MAP1A: variants seen among roughly 807,000 people sequenced by gnomAD.
MAP1A encodes the protein microtubule-associated protein 1A.
In MAP1A, 42 loss-of-function variants were observed where a neutral mutation model predicts 185.9. The observed-to-expected ratio is 0.23, with a 90% confidence interval of 0.18 to 0.29. MAP1A has a LOEUF of 0.29. Among genes scored for constraint, MAP1A ranks in the 10% least tolerant of loss-of-function variants. MAP1A has a pLI of 1.00. For missense variants in MAP1A, 2,995 were observed against 3,450.4 expected (o/e 0.87, Z 3.31); for synonymous variants, 1,229 against 1,335.9 (o/e 0.92, Z 1.74).
upstream of MAP1A, among the ~76,000 whole-genome samples, chr15:43,515,071 C>T (rs560176421): frequency 6.6e-6 from 1 of 152,114 alleles, no homozygotes; most frequent in Non-Finnish European, 1.5e-5. Flanking sequence ...AAAAATTAGC[C>T]GAGGGTGGTG....
At chr15:43,512,783 G>A (rs1372981475), upstream of MAP1A, among the ~76,000 whole-genome samples, 1 of 152,184 alleles carries the variant, frequency 6.6e-6, no homozygotes, top group Admixed American at 6.5e-5. Flanking sequence ...CCAGGGCAGA[G>A]CAGAATCTTG....
chr15:43,522,382 T>A lies in MAP1A; in HGVS notation c.909T>A (p.Ala303=), dbSNP rs1203836890. Residue 303 remains alanine (A), a synonymous_variant, in exon 4 of 6, where the codon GCT becomes GCA. Transcript: ENST00000300231. This position sits in a 1 kb window ranked among gnomAD's most constrained non-coding sequence, Gnocchi z 5.9. ...CGCAGAAGGACCTGGCTTCTGGGGC[T>A]GTGCCTACCAACCTCAAGCCCAGCA... is the stretch of plus-strand genomic sequence containing the variant. The part of the protein sequence containing the change: ...VATQKDLASG[A]VPTNLKPSKI... 1 of 1,614,184 alleles carries A rather than the reference T, an allele frequency of 6.2e-7. No homozygotes were observed. Among genetic ancestry groups the A allele is most frequent in the Admixed American group, 1.7e-5 (1 of 60,014 alleles).
rs758399850 is a variant in MAP1A, at chr15:43,527,017, G to A, written c.5544G>A (p.Lys1848=). 3.1e-6 allele frequency: 5 copies of A among 1,609,422 alleles called. No individual in the cohort carries two copies. Residue 1848 remains lysine (K), a synonymous_variant, in exon 4 of 6, where the codon AAG becomes AAA. Coordinates refer to ENST00000300231, the MANE Select transcript of MAP1A (RefSeq NM_002373.6). ...WLADIPPWVP[K]DRPLPPAPLS... ...CTGACATCCCACCCTGGGTGCCCAA[G>A]GACAGACCCCTCCCCCCTGCACCCC...
rs74807618 is a variant in MAP1A, at chr15:43,520,508, T to C, written c.-374-133T>C. Reference sequence around the variant, plus strand: ...CCAGTTCCTAGACCTTACTCAGCAGTATCCAAGGTGGCAGGGCCTAAGGAT... The same window carrying C: ...CCAGTTCCTAGACCTTACTCAGCAGCATCCAAGGTGGCAGGGCCTAAGGAT... On this transcript the variant is annotated intron_variant, in intron 1 of 5. Transcript: ENST00000300231. The C allele has an allele frequency of 2.3e-4, 157 of 675,094 alleles. 2 individuals carry two copies. In the East Asian group the frequency reaches 2.8e-3, roughly 12 times the overall value. 41.8% of individuals were successfully genotyped at this position (675,094 alleles called of 1,614,324 possible). A position where few individuals can be genotyped will look rare whatever the true frequency, so the allele number is the denominator to read the frequency against.
chr15:43,511,241 T>G, intron 1 of MAP1A: 1 of 1,543,492 alleles, frequency 6.5e-7, no homozygotes, highest in Non-Finnish European at 8.8e-7. Flanking sequence ...GCCACTGTTC[T>G]GGCTGTGCTT....
rs201611179 is a variant in MAP1A, at chr15:43,523,791, A to G, written c.2318A>G (p.Tyr773Cys). ...CCACCCAGATTTCATACAAGTACATATGACCTGCCCGGGCCTGAAGGTGCT... is the reference window on the plus strand; with the variant it reads ...CCACCCAGATTTCATACAAGTACATGTGACCTGCCCGGGCCTGAAGGTGCT... ...PAPPRFHTSTYDLPGPEGAGP... is the reference protein window; with the variant it reads ...PAPPRFHTSTCDLPGPEGAGP... Residue 773 changes from tyrosine to cysteine, a missense_variant, in exon 4 of 6, where the codon TAT (tyrosine) becomes TGT (cysteine). Around this residue, in one of 3 missense-constraint regions of MAP1A, gnomAD observed 2,728 missense variants for 2,986.0 expected, o/e 0.91. Coordinates refer to ENST00000300231, the MANE Select transcript of MAP1A (RefSeq NM_002373.6). 65 of 1,614,056 alleles carry G rather than the reference A, an allele frequency of 4.0e-5. No homozygotes were observed. In the East Asian group the frequency reaches 1.4e-3, roughly 35 times the overall value.
Position 43,523,957 on chromosome 15 carries a change from G to T in MAP1A, c.2484G>T (p.Ser828=). ...APLAEEEHVS[S]ATSITECDKL... ...TGGCTGAAGAGGAACATGTGTCCTC[G>T]GCCACTTCAATCACTGAGTGTGACA... Residue 828 remains serine (S), a synonymous_variant, in exon 4 of 6, where the codon TCG becomes TCT. Transcript: ENST00000300231. 6.2e-7 allele frequency: 1 copy of T among 1,614,042 alleles called. No homozygotes were observed. The highest frequency in any genetic ancestry group is 1.3e-5 in the African/African-American group (1 of 75,012).
rs1417742617 is a variant in MAP1A, at chr15:43,525,042, C to T, written c.3569C>T (p.Ser1190Phe). Residue 1190 changes from serine to phenylalanine, a missense_variant, in exon 4 of 6, where the codon TCT becomes TTT. This residue lies in a region of MAP1A where 2,728 missense variants were observed against 2,986.0 expected (regional missense o/e 0.91). Transcript: ENST00000300231. ...YLHKDRWPEV[S>F]PEDTQSLSLS... ...CACAAAGACCGTTGGCCAGAGGTAT[C>T]TCCAGAAGACACCCAGTCACTTTCT... 1 of 1,614,168 alleles carries T rather than the reference C, an allele frequency of 6.2e-7. No individual in the cohort carries two copies. Among genetic ancestry groups the T allele is most frequent in the Admixed American group, 1.7e-5 (1 of 60,028 alleles).
Position 43,530,884 on chromosome 15 carries a change from C to G in MAP1A, c.*660C>G, listed in dbSNP as rs747600951. The G allele has an allele frequency of 6.5e-6, 1 of 153,436 alleles. No homozygotes were observed. Among genetic ancestry groups the G allele is most frequent in the Non-Finnish European group, 1.5e-5 (1 of 68,666 alleles). 9.5% of individuals were successfully genotyped at this position (153,436 alleles called of 1,614,324 possible). On this transcript the variant is annotated 3_prime_UTR_variant, in exon 6 of 6. Coordinates refer to ENST00000300231, the MANE Select transcript of MAP1A (RefSeq NM_002373.6). ...GAGAAAGGAGCTTATCCCCCAGACC[C>G]TGCTTTATACCATTCACATCCCAGG...
exon 1 of MAP1A, chr15:43,511,034 G>A (rs1158797786): frequency 3.2e-6 from 5 of 1,548,514 alleles, no homozygotes; most frequent in African/African-American, 1.4e-5. Context: ...CGTTGCCATG[G>A]AGACAACTCC....
At position 43,530,463 on chromosome 15, in the gene MAP1A, G is replaced by A; in HGVS notation, c.*239G>A. 1 of 538,962 alleles carries A rather than the reference G, an allele frequency of 1.9e-6. No homozygotes were observed. The allele number at this position is 538,962 out of a possible 1,614,324, so 33.4% of individuals were successfully genotyped here. ...ATGGGGGAGGGGACAAATTAGAATA[G>A]GATAGCATCTGATGCCTGAGAACCC... On this transcript the variant is annotated 3_prime_UTR_variant, in exon 6 of 6. Transcript: ENST00000300231.
chr15:43,521,871 G>C lies in MAP1A; in HGVS notation c.398G>C (p.Gly133Ala), dbSNP rs1595646990. ...AAGAACCTTATCTCTCCTGAGCTTG[G>C]AGTTGTCTTTTTCAACGTGCCTGAG... The part of the protein sequence containing the change: ...WVKNLISPEL[G>A]VVFFNVPEKL... The change falls in exon 4 of 6, where the codon GGA becomes GCA. Residue 133 changes from glycine (G) to alanine (A), a missense_variant. By Grantham distance (60) the Gly-to-Ala change is moderately conservative. Coordinates refer to ENST00000300231, the MANE Select transcript of MAP1A (RefSeq NM_002373.6). This position sits in a 1 kb window ranked among gnomAD's most constrained non-coding sequence, Gnocchi z 4.6. 1 of 1,614,144 alleles carries C rather than the reference G, an allele frequency of 6.2e-7. No homozygotes were observed. Among genetic ancestry groups the C allele is most frequent in the Non-Finnish European group, 8.5e-7 (1 of 1,180,010 alleles).
chr15:43,525,415 A>T lies in MAP1A; in HGVS notation c.3942A>T (p.Glu1314Asp). 6.2e-7 allele frequency: 1 copy of T among 1,614,152 alleles called. No homozygotes were observed. The highest frequency in any genetic ancestry group is 1.1e-5 in the South Asian group (1 of 91,090). ...YLPGAITSPD[E>D]HILTPDSSFS... Reference sequence around the variant, plus strand: ...CTGGGGCGATCACAAGCCCTGATGAACACATTCTGACACCTGATAGCTCCT... The same window carrying T: ...CTGGGGCGATCACAAGCCCTGATGATCACATTCTGACACCTGATAGCTCCT... Residue 1314 changes from glutamate to aspartate, a missense_variant, in exon 4 of 6, where the codon GAA (glutamate) becomes GAT (aspartate). Transcript: ENST00000300231.
rs369907157 is a variant in MAP1A at position 43,521,580 on chromosome 15, C to G, written c.107C>G (p.Ser36Cys). 3.7e-6 allele frequency: 6 copies of G among 1,614,180 alleles called. No homozygotes were observed. Among genetic ancestry groups the G allele is most frequent in the Non-Finnish European group, 5.1e-6 (6 of 1,180,028 alleles). The change falls in exon 4 of 6, where the codon TCC becomes TGC. Residue 36 changes from serine to cysteine, a missense_variant. Physicochemically the swap from Ser to Cys is moderately radical, Grantham distance 112. Around this residue, in one of 3 missense-constraint regions of MAP1A, gnomAD observed 264 missense variants for 435.3 expected, o/e 0.61. Transcript: ENST00000300231. The surrounding 1 kb of genome is among the most constrained non-coding windows in gnomAD (Gnocchi z 4.6). ...PPTSGGFLKL[S>C]KPCCYIFPGG... is the part of the protein sequence containing the mutation. ...ACCTCAGGGGGCTTCCTCAAGCTCT[C>G]CAAGCCTTGTTGCTACATCTTCCCA... is the stretch of plus-strand genomic sequence containing the variant.
chr15:43,529,182 C>CCAACCCA lies in MAP1A; in HGVS notation c.7709_7710insCAACCCA (p.Ser2571AsnfsTer8). 1.2e-6 allele frequency: 2 copies of CCAACCCA among 1,604,558 alleles called. No individual in the cohort carries two copies. Among genetic ancestry groups the CCAACCCA allele is most frequent in the Non-Finnish European group, 1.7e-6 (2 of 1,172,310 alleles). On this transcript the variant is annotated frameshift_variant, in exon 4 of 6. Coordinates refer to ENST00000300231, the MANE Select transcript of MAP1A (RefSeq NM_002373.6). LOFTEE classifies it high-confidence loss of function. The surrounding 1 kb of genome is among the most constrained non-coding windows in gnomAD (Gnocchi z 4.3). Reference sequence around the variant, plus strand: ...CCTCTCCCACAGCCAGACCCCCGCCCATCCCCTCCCCGCCCTGATGTGTGC... The same window carrying CCAACCCA: ...CCTCTCCCACAGCCAGACCCCCGCCCCAACCCAATCCCCTCCCCGCCCTGATGTGTGC...
chr15:43,517,034 G>A (rs954896336), upstream of MAP1A, among the ~76,000 whole-genome samples: 9 of 152,120 alleles, frequency 5.9e-5, no homozygotes, highest in African/African-American at 1.9e-4. Flanking sequence ...TGTCCACTCC[G>A]GAATTTCAAA....
Position 43,522,958 on chromosome 15 carries a change from GA to G in MAP1A, c.1487del (p.Lys496ArgfsTer43). On this transcript the variant is annotated frameshift_variant, in exon 4 of 6. Transcript: ENST00000300231. LOFTEE classifies it high-confidence loss of function. This position sits in a 1 kb window ranked among gnomAD's most constrained non-coding sequence, Gnocchi z 5.9. ...IDRSRAIRGEKELSSEPQTPP... is the reference protein window; with the variant it reads ...IDRSRAIRGEXELSSEPQTPP... ...ACAGGAGCCGTGCTATCCGTGGGGA[GA>G]AGGAGCTGTCTTCTGAGCCCCAGAC... 1 of 1,614,160 alleles carries G rather than the reference GA, an allele frequency of 6.2e-7. No homozygotes were observed. The highest frequency in any genetic ancestry group is 8.5e-7 in the Non-Finnish European group (1 of 1,180,024).
rs375908767 is a variant in MAP1A, at chr15:43,523,761, C to T, written c.2288C>T (p.Pro763Leu). Reference protein sequence around the residue: ...EEIHDEPEERPAPPRFHTSTY... With the variant: ...EEIHDEPEERLAPPRFHTSTY... ...ATCCATGATGAGCCGGAGGAGCGCC[C>T]AGCTCCACCCAGATTTCATACAAGT... is the stretch of plus-strand genomic sequence containing the variant. The change falls in exon 4 of 6, where the codon CCA becomes CTA. Residue 763 changes from proline (P) to leucine (L), a missense_variant. Pro to Leu is a moderately conservative substitution (Grantham distance 98, BLOSUM62 -3). Transcript: ENST00000300231. The T allele has an allele frequency of 8.1e-6, 13 of 1,613,934 alleles. No homozygotes were observed. The African/African-American group carries it at 1.6e-4, about 20-fold the overall frequency.
In MAP1A at chr15:43,527,694, GC is replaced by G; in HGVS notation, c.6227del (p.Pro2076LeufsTer7). Reference protein sequence around the residue: ...PRAPILSKGPSPPLNGNILSC... With the variant: ...PRAPILSKGPXPPLNGNILSC... ...GCTCCTATCCTGAGCAAAGGCCCAA[GC>G]CCCCCTCTTAATGGTAACATCCTGA... On this transcript the variant is annotated frameshift_variant, in exon 4 of 6. Transcript: ENST00000300231. LOFTEE classifies it high-confidence loss of function. The G allele has an allele frequency of 6.2e-7, 1 of 1,608,768 alleles. No homozygotes were observed. The highest frequency in any genetic ancestry group is 8.5e-7 in the Non-Finnish European group (1 of 1,178,650).
Sources: allele counts gnomAD v4.1 joint callset (sites outside exome capture counted in the v4.1 genomes callset), GRCh38; gene constraint gnomAD v4.1.1; regional missense constraint gnomAD v4.1.1; non-coding constraint Gnocchi (gnomAD v3.1); transcripts MANE v1.5; gene names NCBI Gene and HGNC (gene_info 2026-07-23, HGNC 2026-07-21).